MALRD1: variants seen among roughly 807,000 people sequenced by gnomAD.
MALRD1 encodes the protein MAM and LDL receptor class A domain containing 1.
A neutral mutation model predicts 242.1 loss-of-function variants in MALRD1; 247 were observed. The ratio of observed to expected loss-of-function variants is 1.02; its 90% CI spans 0.92 to 1.13. The LOEUF is 1.13. MALRD1 is among the 50% of genes most tolerant of loss of function. The pLI, the probability that MALRD1 is intolerant of heterozygous loss-of-function variation, is 0.00. For missense variants in MALRD1, 2,989 were observed against 2,533.1 expected, an observed-to-expected ratio of 1.18 and a Z score of -3.86; for synonymous variants, 995 against 866.6, an observed-to-expected ratio of 1.15 and a Z score of -2.60.
At position 19,088,354 on chromosome 10, in the gene MALRD1, A is replaced by G. The variant is rs1697816191; in HGVS notation, c.597+169A>G. Among the ~76,000 whole-genome samples, 8 of 152,202 alleles carry G rather than the reference A, an allele frequency of 5.3e-5. 1 individual carries two copies. The South Asian group carries it at 1.7e-3, about 31-fold the overall frequency. Reference sequence around the variant, plus strand: ...ACATCTCAGGCAATTTGGGATGGCTAGTCACCCTAAAAGACACTTTTACAA... The same window carrying G: ...ACATCTCAGGCAATTTGGGATGGCTGGTCACCCTAAAAGACACTTTTACAA... On this transcript the variant is annotated intron_variant, in intron 4 of 39. Transcript: ENST00000454679.
intron 36 of MALRD1, among the ~76,000 whole-genome samples, chr10:19,690,543 T>C (rs1340791080): frequency 6.6e-6 from 1 of 152,056 alleles, no homozygotes; most frequent in Non-Finnish European, 1.5e-5. Flanking sequence ...TTCTGTTATT[T>C]TTATTTTTAT....
intron 33 of MALRD1, among the ~76,000 whole-genome samples, chr10:19,589,526 G>A (rs2131541231): frequency 6.6e-6 from 1 of 152,138 alleles, no homozygotes; most frequent in Non-Finnish European, 1.5e-5. Context: ...ACTCCCTAAA[G>A]CACATAAACT....
chr10:19,363,681 G>A (rs1026323498), intron 26 of MALRD1, among the ~76,000 whole-genome samples: 1 of 152,142 alleles, frequency 6.6e-6, no homozygotes, highest in Non-Finnish European at 1.5e-5. Flanking sequence ...GAAGCAACTG[G>A]AAGTTTCATA....
intron 38 of MALRD1, among the ~76,000 whole-genome samples, chr10:19,715,762 A>G (rs1006583478): frequency 1.3e-5 from 2 of 152,336 alleles, no homozygotes; most frequent in African/African-American, 4.8e-5. Context: ...ACTTACAATC[A>G]TGGCGGAAGG....
At chr10:19,394,630 C>A (rs1459804584) in intron 28 of MALRD1, among the ~76,000 whole-genome samples, 1 of 152,158 alleles carries the variant, frequency 6.6e-6, no homozygotes, top group Non-Finnish European at 1.5e-5. Context: ...ACCTCCACCC[C>A]ATCCTCTGCA....
At chr10:19,065,538 C>T (rs1341436105) in intron 1 of MALRD1, among the ~76,000 whole-genome samples, 2 of 152,114 alleles carry the variant, frequency 1.3e-5, no homozygotes, top group African/African-American at 4.8e-5. Context: ...CTATTTTGGT[C>T]AGCAGAGTTG....
At chr10:19,504,663 C>CTTTTTTTTT (rs1564397363) in intron 31 of MALRD1, among the ~76,000 whole-genome samples, 2 of 128,696 alleles carry the variant, frequency 1.6e-5, no homozygotes, top group African/African-American at 6.3e-5. Flanking sequence ...TATTGTAACA[C>CTTTTTTTTT]ATTTTTTTTT....
At chr10:19,227,168 T>C (rs1165723072) in intron 18 of MALRD1, among the ~76,000 whole-genome samples, 1 of 151,898 alleles carries the variant, frequency 6.6e-6, no homozygotes, top group Non-Finnish European at 1.5e-5. Context: ...TTTTTTTTAA[T>C]GCGGAAGTCC....
intron 29 of MALRD1, among the ~76,000 whole-genome samples, chr10:19,471,044 C>CT (rs540628183): frequency 4.6e-4 from 69 of 151,426 alleles, no homozygotes; most frequent in African/African-American, 1.5e-3. Flanking sequence ...TTTCCCCTAT[C>CT]TTTTTTTTAG....
intron 18 of MALRD1, among the ~76,000 whole-genome samples, chr10:19,245,900 A>G (rs961897972): frequency 2.0e-5 from 3 of 152,230 alleles, no homozygotes; most frequent in African/African-American, 7.2e-5. Flanking sequence ...GTGACAATTC[A>G]TTCTAGCTTA....
intron 28 of MALRD1, among the ~76,000 whole-genome samples, chr10:19,396,842 ACTTAG>A (rs1447585340): frequency 2.0e-5 from 3 of 152,146 alleles, no homozygotes; most frequent in Non-Finnish European, 2.9e-5. Context: ...TGTTTTTCTA[ACTTAG>A]CTTGCCAGCA....
chr10:19,094,377 T>C (rs1018481181), intron 4 of MALRD1, among the ~76,000 whole-genome samples: 2 of 131,960 alleles, frequency 1.5e-5, no homozygotes, highest in Non-Finnish European at 3.2e-5. Flanking sequence ...GTCACCCCTT[T>C]CTTTGACTCG....
intron 19 of MALRD1, among the ~76,000 whole-genome samples, chr10:19,272,650 A>G (rs1197859782): frequency 6.6e-6 from 1 of 152,152 alleles, no homozygotes; most frequent in Admixed American, 6.5e-5. Flanking sequence ...CCGTGCATGC[A>G]TTAGGTATTT....
chr10:19,373,725 T>C (rs987496213), intron 26 of MALRD1, among the ~76,000 whole-genome samples: 1 of 152,218 alleles, frequency 6.6e-6, no homozygotes, highest in Non-Finnish European at 1.5e-5. Flanking sequence ...CTTGAATCCA[T>C]AGGCAAGACA....
intron 36 of MALRD1, among the ~76,000 whole-genome samples, chr10:19,626,184 C>T (rs1418975835): frequency 2.0e-5 from 3 of 151,808 alleles, no homozygotes; most frequent in Non-Finnish European, 2.9e-5. Context: ...AAGTTGAATA[C>T]GTTGGTGGAC....
chr10:19,727,194 A>T (rs973148835), intron 38 of MALRD1, among the ~76,000 whole-genome samples: 1 of 152,180 alleles, frequency 6.6e-6, no homozygotes, highest in African/African-American at 2.4e-5. Context: ...ATGGCATGTG[A>T]TTTATAGCTC....
chr10:19,456,710 A>T (rs926134126), intron 29 of MALRD1, among the ~76,000 whole-genome samples: 9 of 152,106 alleles, frequency 5.9e-5, no homozygotes, highest in Non-Finnish European at 1.3e-4. Flanking sequence ...TGAGTAGAAA[A>T]GTAATGCACA....
At chr10:19,662,816 C>T (rs1278824784) in intron 36 of MALRD1, among the ~76,000 whole-genome samples, 1 of 152,048 alleles carries the variant, frequency 6.6e-6, no homozygotes, top group African/African-American at 2.4e-5. Flanking sequence ...AATCAAAAAT[C>T]TGAAAACTCA....
At chr10:19,133,462 C>T (rs1833193086) in intron 8 of MALRD1, among the ~76,000 whole-genome samples, 1 of 152,096 alleles carries the variant, frequency 6.6e-6, no homozygotes, top group Non-Finnish European at 1.5e-5. Flanking sequence ...TATTGTTTGC[C>T]TGTAAACGTT....
Sources: allele counts gnomAD v4.1 joint callset (sites outside exome capture counted in the v4.1 genomes callset), GRCh38; gene constraint gnomAD v4.1.1; transcripts MANE v1.5; gene names NCBI Gene and HGNC (gene_info 2026-07-23, HGNC 2026-07-21).